DSCAM: variants seen among roughly 807,000 people sequenced by gnomAD.
The protein encoded by DSCAM is DS cell adhesion molecule.
A neutral mutation model predicts 217.7 loss-of-function variants in DSCAM; 47 were observed. The observed-to-expected ratio is 0.22, with a 90% CI of 0.17 to 0.28. DSCAM has a LOEUF of 0.28. Ranked by LOEUF, DSCAM falls within the 10% of genes least tolerant of loss-of-function variation. The probability of loss-of-function intolerance (pLI) is 1.00; values close to 1 mark genes in which losing one functional copy is unlikely to be tolerated. For missense variants in DSCAM, 2,080 were observed against 2,618.3 expected, an observed-to-expected ratio of 0.79 and a Z score of 4.49; for synonymous variants, 1,056 against 1,015.3, an observed-to-expected ratio of 1.04 and a Z score of -0.76.
chr21:40,567,864 G>A (rs772051966), intron 3 of DSCAM, among the ~76,000 whole-genome samples: 3 of 152,092 alleles, frequency 2.0e-5, no homozygotes, highest in Non-Finnish European at 2.9e-5. Context: ...TTAAAATTCA[G>A]TCTTTAGGAT....
At chr21:40,132,791 C>A (rs1197498525) in intron 19 of DSCAM, among the ~76,000 whole-genome samples, 3 of 152,110 alleles carry the variant, frequency 2.0e-5, no homozygotes, top group Admixed American at 6.6e-5. Flanking sequence ...CGTATCATGG[C>A]CCCTGAGCAG....
intron 1 of DSCAM, among the ~76,000 whole-genome samples, chr21:40,768,882 C>T (rs754899587): frequency 8.3e-4 from 126 of 152,322 alleles, no homozygotes; most frequent in Non-Finnish European, 1.3e-3. Context: ...GAGGAAAAAA[C>T]AAGGCATTTT....
intron 11 of DSCAM, among the ~76,000 whole-genome samples, chr21:40,252,286 T>C (rs143748824): frequency 6.6e-6 from 1 of 152,280 alleles, no homozygotes; most frequent in East Asian, 1.9e-4. Flanking sequence ...GTGGCCCTAA[T>C]CTTTGGTAGG....
At chr21:40,797,427 G>A (rs2091701331) in intron 1 of DSCAM, among the ~76,000 whole-genome samples, 1 of 152,212 alleles carries the variant, frequency 6.6e-6, no homozygotes, top group East Asian at 1.9e-4. Flanking sequence ...TTTCAAGATG[G>A]TGGATGATGT....
chr21:40,141,341 G>A (rs529444187), intron 18 of DSCAM, among the ~76,000 whole-genome samples: 5 of 152,306 alleles, frequency 3.3e-5, no homozygotes, highest in African/African-American at 4.8e-5. Flanking sequence ...CAGGCTGGGC[G>A]TGGTGGGTCA....
intron 11 of DSCAM, among the ~76,000 whole-genome samples, chr21:40,237,528 T>C (rs566182259): frequency 8.5e-5 from 13 of 152,360 alleles, no homozygotes; most frequent in African/African-American, 2.9e-4. Context: ...TCCATGTCCC[T>C]GCAAAGGATA....
At chr21:40,065,822 A>G (rs974960691) in intron 27 of DSCAM, among the ~76,000 whole-genome samples, 2 of 152,294 alleles carry the variant, frequency 1.3e-5, no homozygotes, top group Non-Finnish European at 1.5e-5. Context: ...ACTGGAATCC[A>G]TCTTACTGAG....
At chr21:40,557,555 T>C (rs1024232437) in intron 3 of DSCAM, among the ~76,000 whole-genome samples, 1 of 151,314 alleles carries the variant, frequency 6.6e-6, no homozygotes, top group Non-Finnish European at 1.5e-5. Context: ...CAAGATGGTC[T>C]CGATCTCCTG....
rs565348715 is a variant in DSCAM at position 40,489,761 on chromosome 21, C to T, written c.509-120516G>A. On this transcript the variant is annotated intron_variant, in intron 3 of 32. Coordinates refer to ENST00000400454, the MANE Select transcript of DSCAM (RefSeq NM_001389.5). ...CTGCACTCCAGCCTGGGCGACAGGG[C>T]GAGACTCCGTCTCAAAAAAAAAAAA... 1.2e-4 allele frequency among the ~76,000 whole-genome samples: 12 copies of T among 98,312 alleles called. 1 individual carries two copies. In the South Asian group the frequency reaches 3.8e-3, roughly 31 times the overall value. 64.5% of individuals were successfully genotyped at this position (98,312 alleles called of 152,430 possible).
Position 40,312,217 on chromosome 21 carries a change from C to T in DSCAM, c.1926G>A (p.Gly642=). ...TGAAGTCAATATTGTCAATGGTCACCCCAAGGCTCCCAGGGATTGGCCGGC... is the reference window on the plus strand; with the variant it reads ...TGAAGTCAATATTGTCAATGGTCACTCCAAGGCTCCCAGGGATTGGCCGGC... ...KDGRPIPGSL[G]VTIDNIDFTS... Residue 642 remains glycine (G), a synonymous_variant, in exon 9 of 33, where the codon GGG becomes GGA. Coordinates refer to ENST00000400454, the MANE Select transcript of DSCAM (RefSeq NM_001389.5). 1 of 1,614,028 alleles carries T rather than the reference C, an allele frequency of 6.2e-7. No individual in the cohort carries two copies. The highest frequency in any genetic ancestry group is 1.7e-5 in the Admixed American group (1 of 60,012).
chr21:40,104,889 T>C (rs1474510569), intron 20 of DSCAM, among the ~76,000 whole-genome samples: 1 of 152,146 alleles, frequency 6.6e-6, no homozygotes, highest in Admixed American at 6.5e-5. Context: ...TTAAAGGCAT[T>C]TTAGCCTGTG....
Position 40,284,946 on chromosome 21 carries a change from G to C in DSCAM, c.2183-8676C>G, listed in dbSNP as rs115651838. Among the ~76,000 whole-genome samples, 608 of 152,256 alleles carry C rather than the reference G, an allele frequency of 4.0e-3. 2 individuals are homozygous for C. Among genetic ancestry groups the C allele is most frequent in the African/African-American group, 0.013 (552 of 41,548 alleles). On this transcript the variant is annotated intron_variant, in intron 10 of 32. Transcript: ENST00000400454. Reference sequence around the variant, plus strand: ...CAATGACAACAATGGAAATTTCATGGTCTAGATTAGTGTCTAATCAGGATT... The same window carrying C: ...CAATGACAACAATGGAAATTTCATGCTCTAGATTAGTGTCTAATCAGGATT...
intron 9 of DSCAM, among the ~76,000 whole-genome samples, chr21:40,301,797 T>C (rs2074019372): frequency 6.6e-6 from 1 of 152,210 alleles, no homozygotes; most frequent in Non-Finnish European, 1.5e-5. Flanking sequence ...ACTTCAGTTT[T>C]ATAGACTAGG....
chr21:40,522,672 G>A (rs1210682179), intron 3 of DSCAM, among the ~76,000 whole-genome samples: 1 of 152,086 alleles, frequency 6.6e-6, no homozygotes, highest in Non-Finnish European at 1.5e-5. Flanking sequence ...AGGTGTGATC[G>A]TCATGAGCAA....
At chr21:40,555,030 ATGAGTGAG>A (rs936382047) in intron 3 of DSCAM, among the ~76,000 whole-genome samples, 2 of 152,262 alleles carry the variant, frequency 1.3e-5, no homozygotes, top group African/African-American at 2.4e-5. Context: ...AAATAAAAGA[ATGAGTGAG>A]TGAGTGAATG....
At chr21:40,205,417 A>C (rs949736986) in intron 11 of DSCAM, among the ~76,000 whole-genome samples, 5 of 152,154 alleles carry the variant, frequency 3.3e-5, no homozygotes, top group African/African-American at 1.2e-4. Flanking sequence ...AGACCGGCCA[A>C]CATGGCAAAA....
rs536079673 is a variant in DSCAM, at chr21:40,228,627, C to T, written c.2357-39389G>A. On this transcript the variant is annotated intron_variant, in intron 11 of 32. Transcript: ENST00000400454. ...GCTTGTTTATTTTATCCTTTCTTTC[C>T]CCCTCCACCTCTTTTCTTTTTTTTT... is the stretch of plus-strand genomic sequence containing the variant. Among the ~76,000 whole-genome samples the T allele has an allele frequency of 1.3e-4, 19 of 150,526 alleles. No homozygotes were observed. In the East Asian group the frequency reaches 2.2e-3, roughly 18 times the overall value.
chr21:40,704,590 T>C (rs1158304705), intron 2 of DSCAM, among the ~76,000 whole-genome samples: 1 of 151,932 alleles, frequency 6.6e-6, no homozygotes, highest in Admixed American at 6.6e-5. Flanking sequence ...GTGTGGTGAC[T>C]TATGCCTGTA....
chr21:40,668,290 A>G (rs1472175350), intron 3 of DSCAM, among the ~76,000 whole-genome samples: 1 of 151,440 alleles, frequency 6.6e-6, no homozygotes, highest in Admixed American at 6.6e-5. Context: ...ATATGCACCA[A>G]CTCACATCAG....
Sources: gnomAD v4.1 joint callset for allele counts (sites outside exome capture counted in the v4.1 genomes callset) on GRCh38, gnomAD v4.1.1 for gene constraint, MANE v1.5 for transcripts, NCBI Gene and HGNC (gene_info 2026-07-23, HGNC 2026-07-21) for gene names.